The following SYT9 variants were observed in gnomAD, a reference collection of about 807,000 sequenced individuals.
The protein encoded by SYT9 is synaptotagmin-9.
In SYT9, 22 loss-of-function variants were observed where a neutral mutation model predicts 48.4. That is an observed-to-expected ratio of 0.45 (90% CI 0.32 to 0.65). The LOEUF (loss-of-function observed/expected upper bound fraction) is 0.65. SYT9 is among the 30% of genes least tolerant of loss of function. The probability of loss-of-function intolerance (pLI) is 0.03; values close to 1 mark genes in which losing one functional copy is unlikely to be tolerated. For synonymous variants in SYT9, 265 were observed against 245.0 expected (o/e 1.08, Z -0.76); for missense variants, 577 against 622.0 (o/e 0.93, Z 0.77).
intron 3 of SYT9, among the ~76,000 whole-genome samples, chr11:7,391,729 C>A (rs1184426651): frequency 1.5e-5 from 1 of 64,788 alleles, no homozygotes; most frequent in African/African-American, 5.1e-5. Context: ...GGTAAAACCC[C>A]ATCTCTAAAA....
At chr11:7,381,915 C>G (rs747911664) in intron 3 of SYT9, among the ~76,000 whole-genome samples, 1 of 152,172 alleles carries the variant, frequency 6.6e-6, no homozygotes, top group Non-Finnish European at 1.5e-5. Context: ...ACTGGTACTC[C>G]AGAAGCCTTT....
intron 1 of SYT9, among the ~76,000 whole-genome samples, chr11:7,246,761 C>T (rs1847798239): frequency 6.6e-6 from 1 of 152,204 alleles, no homozygotes; most frequent in Non-Finnish European, 1.5e-5. Flanking sequence ...GGATGGTTCA[C>T]CTCTGCTTCA....
chr11:7,280,532 C>T (rs977766174), intron 1 of SYT9, among the ~76,000 whole-genome samples: 2 of 152,214 alleles, frequency 1.3e-5, no homozygotes, highest in Non-Finnish European at 2.9e-5. Context: ...TTTTCTCCAG[C>T]ACTATCGTAA....
At chr11:7,295,160 T>C (rs1365477712) in intron 1 of SYT9, among the ~76,000 whole-genome samples, 2 of 152,278 alleles carry the variant, frequency 1.3e-5, no homozygotes, top group African/African-American at 4.8e-5. Flanking sequence ...GTTCTCATTC[T>C]GTTTTGCTTA....
intron 1 of SYT9, among the ~76,000 whole-genome samples, chr11:7,277,788 T>A (rs895016647): frequency 6.6e-6 from 1 of 152,232 alleles, no homozygotes; most frequent in African/African-American, 2.4e-5. Context: ...AATTCATGCC[T>A]AGAATATTTT....
chr11:7,239,615 G>T (rs1564833012), intron 1 of SYT9, among the ~76,000 whole-genome samples: 1 of 152,190 alleles, frequency 6.6e-6, no homozygotes, highest in Non-Finnish European at 1.5e-5. Context: ...TAGACTAATA[G>T]ATACTGAGTA....
intron 3 of SYT9, among the ~76,000 whole-genome samples, chr11:7,363,404 A>C (rs891562095): frequency 3.9e-5 from 6 of 152,240 alleles, no homozygotes; most frequent in Non-Finnish European, 7.3e-5. Context: ...GAAATGTAGA[A>C]TACCAGAAAT....
chr11:7,321,064 G>A (rs934038602), intron 3 of SYT9, among the ~76,000 whole-genome samples: 9 of 152,022 alleles, frequency 5.9e-5, no homozygotes, highest in Non-Finnish European at 8.8e-5. Context: ...AAACTGGTTC[G>A]GAGACTGTCT....
chr11:7,262,245 T>A (rs1477704791), intron 1 of SYT9, among the ~76,000 whole-genome samples: 1 of 152,030 alleles, frequency 6.6e-6, no homozygotes, highest in Non-Finnish European at 1.5e-5. Flanking sequence ...AGAATAGAGT[T>A]GTAGGAGAAG....
chr11:7,313,940 A>G lies in SYT9; in HGVS notation c.1043A>G (p.Asn348Ser), dbSNP rs1244403991. The G allele has an allele frequency of 5.6e-6, 9 of 1,608,404 alleles. No individual in the cohort carries two copies. The highest frequency in any genetic ancestry group is 7.6e-6 in the Non-Finnish European group (9 of 1,178,068). The change falls in exon 3 of 7, where the codon AAT (asparagine) becomes AGT (serine). Residue 348 changes from asparagine to serine, a missense_variant and splice_region_variant. Coordinates refer to ENST00000318881, the MANE Select transcript of SYT9 (RefSeq NM_175733.4). ...ILWKDIEYVTNDNVDLGELMF... is the reference protein window; with the variant it reads ...ILWKDIEYVTSDNVDLGELMF... ...TGGAAGGATATCGAATATGTCACCA[A>G]TGTGAGTCCAGCATTTCTTCATTTT...
intron 3 of SYT9, among the ~76,000 whole-genome samples, chr11:7,345,184 A>AG (rs1287830633): frequency 6.6e-6 from 1 of 151,956 alleles, no homozygotes; most frequent in Non-Finnish European, 1.5e-5. Context: ...TGCAAATTCT[A>AG]GGGGGGATGG....
chr11:7,325,067 T>C (rs1400519143), intron 3 of SYT9, among the ~76,000 whole-genome samples: 2 of 152,224 alleles, frequency 1.3e-5, no homozygotes, highest in Non-Finnish European at 2.9e-5. Context: ...TTAGTGTCTC[T>C]ATATAGAGAA....
intron 6 of SYT9, among the ~76,000 whole-genome samples, chr11:7,459,832 A>G (rs1202310184): frequency 6.6e-6 from 1 of 152,164 alleles, no homozygotes; most frequent in Non-Finnish European, 1.5e-5. Context: ...TAAGCGAAGG[A>G]TTGCTGGCAA....
chr11:7,442,975 AGG>A (rs1054372465), intron 6 of SYT9, among the ~76,000 whole-genome samples: 5 of 152,134 alleles, frequency 3.3e-5, no homozygotes, highest in African/African-American at 1.2e-4. Context: ...AATGAGAGAG[AGG>A]GAGAAAAGCA....
intron 1 of SYT9, among the ~76,000 whole-genome samples, chr11:7,239,125 T>G (rs548279478): frequency 1.3e-5 from 2 of 152,286 alleles, no homozygotes; most frequent in Admixed American, 1.3e-4. Flanking sequence ...TGAGCTCTCT[T>G]ATTGGCAACT....
chr11:7,439,475 C>T (rs1259866405), intron 6 of SYT9: 1 of 152,304 alleles, frequency 6.6e-6, no homozygotes, highest in Non-Finnish European at 1.5e-5. Context: ...ACACACCTGC[C>T]AAGGCTGCCA....
chr11:7,312,419 G>C (rs75966853), intron 2 of SYT9, among the ~76,000 whole-genome samples: 1 of 152,194 alleles, frequency 6.6e-6, no homozygotes, highest in Non-Finnish European at 1.5e-5. Context: ...GTTGTTGAGC[G>C]AATGCATACA....
At chr11:7,243,046 CAATA>C (rs576180827) in intron 1 of SYT9, among the ~76,000 whole-genome samples, 3 of 117,224 alleles carry the variant, frequency 2.6e-5, no homozygotes, top group African/African-American at 2.8e-5. Flanking sequence ...AATTCTGTCT[CAATA>C]AATAAATAAA....
At chr11:7,300,453 G>A (rs1848897813) in intron 1 of SYT9, among the ~76,000 whole-genome samples, 2 of 152,290 alleles carry the variant, frequency 1.3e-5, no homozygotes, top group East Asian at 3.9e-4. Flanking sequence ...ACTGGGGATT[G>A]GGATTTATGC....
Sources: gnomAD v4.1 joint callset for allele counts (sites outside exome capture counted in the v4.1 genomes callset) on GRCh38, gnomAD v4.1.1 for gene constraint, MANE v1.5 for transcripts, NCBI Gene and HGNC (gene_info 2026-07-23, HGNC 2026-07-21) for gene names.